Variants in SOAT1 observed in about 807,000 individuals in gnomAD.
The protein encoded by SOAT1 is acyl-coenzyme A:cholesterol acyltransferase 1.
Under a neutral mutation model 69.5 loss-of-function variants are expected in SOAT1, and 55 were observed. The ratio of observed to expected loss-of-function variants is 0.79; its 90% CI spans 0.64 to 0.99. The LOEUF (loss-of-function observed/expected upper bound fraction) is 0.99, where lower values mean the gene tolerates loss of function less well. Ranked by LOEUF, SOAT1 falls within the 50% of genes least tolerant of loss-of-function variation. The probability of loss-of-function intolerance (pLI) is 0.00; values close to 1 mark genes in which losing one functional copy is unlikely to be tolerated. For synonymous variants in SOAT1, 231 were observed against 224.7 expected, an observed-to-expected ratio of 1.03 and a Z score of -0.25; for missense variants, 580 against 669.3, an observed-to-expected ratio of 0.87 and a Z score of 1.47.
intron 2 of SOAT1, among the ~76,000 whole-genome samples, chr1:179,314,409 T>A (rs1665322009): frequency 6.6e-6 from 1 of 152,174 alleles, no homozygotes; most frequent in Non-Finnish European, 1.5e-5. Context: ...AGTGTACGAT[T>A]GTTAGGGAGA....
chr1:179,319,475 G>A lies in SOAT1; in HGVS notation c.119-3962G>A, dbSNP rs1412832781. 3.3e-5 allele frequency among the ~76,000 whole-genome samples: 5 copies of A among 151,840 alleles called. No individual in the cohort carries two copies. The South Asian group carries it at 6.2e-4, about 19-fold the overall frequency. On this transcript the variant is annotated intron_variant, in intron 2 of 15. Coordinates refer to ENST00000367619, the MANE Select transcript of SOAT1 (RefSeq NM_003101.6). ...AGTAGAGACGGGGTTTCTCCCCATCGGTCAGGCTGGTCTCGAACTGCCGAC... is the reference window on the plus strand; with the variant it reads ...AGTAGAGACGGGGTTTCTCCCCATCAGTCAGGCTGGTCTCGAACTGCCGAC...
Position 179,320,640 on chromosome 1 carries a change from C to T in SOAT1, c.119-2797C>T, listed in dbSNP as rs527420180. Among the ~76,000 whole-genome samples the T allele has an allele frequency of 2.6e-5, 4 of 152,212 alleles. No homozygotes were observed. In the South Asian group the frequency reaches 8.3e-4, roughly 32 times the overall value. The stretch of plus-strand genomic sequence containing the variant: ...TCAATGAATATGGGATGTCTTTAGA[C>T]TTATTTAGTTCAATTTTTATTCCAT... On this transcript the variant is annotated intron_variant, in intron 2 of 15. Transcript: ENST00000367619.
rs10670085 is a variant in SOAT1 at position 179,349,329 on chromosome 1, C to CTTTTTTT, written c.1314+398_1314+404dup. On this transcript the variant is annotated intron_variant, in intron 13 of 15. Coordinates refer to ENST00000367619, the MANE Select transcript of SOAT1 (RefSeq NM_003101.6). ...TTTCATGGTTAAAGGTAGAGAAACA[C>CTTTTTTT]TTTTTTTTTTTTTTTTTGAGAGAGT... Among the ~76,000 whole-genome samples the CTTTTTTT allele has an allele frequency of 4.8e-5, 6 of 125,896 alleles. 1 individual carries two copies. Among genetic ancestry groups the CTTTTTTT allele is most frequent in the Admixed American group, 1.7e-4 (2 of 11,850 alleles). 82.6% of individuals were successfully genotyped at this position (125,896 alleles called of 152,430 possible).
intron 2 of SOAT1, among the ~76,000 whole-genome samples, chr1:179,315,398 A>G (rs1014617729): frequency 3.3e-5 from 5 of 152,190 alleles, no homozygotes; most frequent in African/African-American, 1.2e-4. Flanking sequence ...TAGGAGTTCC[A>G]GGCCACAGTG....
At chr1:179,318,980 T>C (rs902475191) in intron 2 of SOAT1, among the ~76,000 whole-genome samples, 9 of 152,240 alleles carry the variant, frequency 5.9e-5, no homozygotes, top group Admixed American at 3.9e-4. Flanking sequence ...CTAGGTCTTA[T>C]GTTGGCTCTG....
At chr1:179,303,090 C>A (rs920336128) in intron 2 of SOAT1, among the ~76,000 whole-genome samples, 1 of 152,126 alleles carries the variant, frequency 6.6e-6, no homozygotes, top group Non-Finnish European at 1.5e-5. Flanking sequence ...GTGATCAGTA[C>A]GGATTTGTTT....
chr1:179,317,664 A>G (rs966430050), intron 2 of SOAT1, among the ~76,000 whole-genome samples: 14 of 149,004 alleles, frequency 9.4e-5, no homozygotes, highest in African/African-American at 3.0e-4. Context: ...TTTAACGAAG[A>G]TAGCAAACTA....
chr1:179,309,079 C>T (rs1004351649), intron 2 of SOAT1, among the ~76,000 whole-genome samples: 1 of 152,160 alleles, frequency 6.6e-6, no homozygotes, highest in Admixed American at 6.5e-5. Context: ...TACTGGTATA[C>T]CTATAGGATA....
intron 6 of SOAT1, among the ~76,000 whole-genome samples, chr1:179,340,403 G>A (rs1459735232): frequency 6.6e-6 from 1 of 152,124 alleles, no homozygotes; most frequent in Non-Finnish European, 1.5e-5. Flanking sequence ...GATCGCTTGA[G>A]CCAGGGAGGT....
chr1:179,312,416 T>G (rs6682127), intron 2 of SOAT1, among the ~76,000 whole-genome samples: 2 of 151,990 alleles, frequency 1.3e-5, no homozygotes, highest in South Asian at 4.1e-4. Context: ...ATGACTTCTA[T>G]CAGAAGAGAA....
At position 179,350,276 on chromosome 1, in the gene SOAT1, G is replaced by A; in HGVS notation, c.1315-20G>A. Reference sequence around the variant, plus strand: ...TTAAATTTTTAAAAATTACTTTGTAGTGTTTTCCTTTTTCTTTAGTTTTTC... The same window carrying A: ...TTAAATTTTTAAAAATTACTTTGTAATGTTTTCCTTTTTCTTTAGTTTTTC... On this transcript the variant is annotated intron_variant, in intron 13 of 15. Coordinates refer to ENST00000367619, the MANE Select transcript of SOAT1 (RefSeq NM_003101.6). 1 of 1,605,974 alleles carries A rather than the reference G, an allele frequency of 6.2e-7. No individual in the cohort carries two copies. The highest frequency in any genetic ancestry group is 8.5e-7 in the Non-Finnish European group (1 of 1,176,492).
At chr1:179,316,094 G>T (rs1205115883) in intron 2 of SOAT1, among the ~76,000 whole-genome samples, 1 of 151,950 alleles carries the variant, frequency 6.6e-6, no homozygotes, top group Non-Finnish European at 1.5e-5. Flanking sequence ...CGGATTTATT[G>T]CATTTCTCTG....
chr1:179,299,724 A>AT (rs1236694855), intron 1 of SOAT1, among the ~76,000 whole-genome samples: 1 of 93,448 alleles, frequency 1.1e-5, no homozygotes, highest in Non-Finnish European at 2.4e-5. Context: ...TCTGGCATTT[A>AT]TTTTTTAATC....
intron 1 of SOAT1, among the ~76,000 whole-genome samples, chr1:179,298,574 T>G (rs1000482391): frequency 6.8e-6 from 1 of 147,478 alleles, no homozygotes; most frequent in African/African-American, 2.5e-5. Context: ...TCAAGTGATT[T>G]TCCTGCCTCA....
intron 11 of SOAT1, among the ~76,000 whole-genome samples, chr1:179,347,334 G>A (rs1044050518): frequency 7.2e-6 from 1 of 138,504 alleles, no homozygotes; most frequent in Non-Finnish European, 1.5e-5. Context: ...CTCCAGCCTG[G>A]GTGACAGAGC....
intron 2 of SOAT1, among the ~76,000 whole-genome samples, chr1:179,321,097 G>A (rs1386788120): frequency 2.6e-5 from 4 of 152,086 alleles, no homozygotes; most frequent in Non-Finnish European, 4.4e-5. Flanking sequence ...AGTAGAGGTG[G>A]GGTTTTGCCA....
At chr1:179,308,859 T>C (rs1195061866) in intron 2 of SOAT1, among the ~76,000 whole-genome samples, 5 of 152,146 alleles carry the variant, frequency 3.3e-5, no homozygotes, top group African/African-American at 1.2e-4. Context: ...CTTCTGCAAT[T>C]TGTTTCTTCT....
chr1:179,345,505 C>T (rs1306460639), intron 11 of SOAT1, among the ~76,000 whole-genome samples: 1 of 151,978 alleles, frequency 6.6e-6, no homozygotes, highest in African/African-American at 2.4e-5. Flanking sequence ...CCAAGTTGAC[C>T]TCCATGAAGC....
intron 3 of SOAT1, 30 bp from the exon 4 acceptor site, chr1:179,335,476 C>T (rs571645623): frequency 3.1e-6 from 5 of 1,591,028 alleles, no homozygotes; most frequent in Non-Finnish European, 4.3e-6. Context: ...GTATTAGTTC[C>T]CCATCTTTTT....
Sources: allele counts gnomAD v4.1 joint callset (sites outside exome capture counted in the v4.1 genomes callset), GRCh38; gene constraint gnomAD v4.1.1; transcripts MANE v1.5; gene names NCBI Gene and HGNC (gene_info 2026-07-23, HGNC 2026-07-21).